ZNF616: variants seen among roughly 807,000 people sequenced by gnomAD.
ZNF616 encodes zinc finger protein 616.
In ZNF616, 5 loss-of-function variants were observed where a neutral mutation model predicts 7.6. The observed-to-expected ratio is 0.66, with a 90% CI of 0.34 to 1.38. The LOEUF (loss-of-function observed/expected upper bound fraction) is 1.38. ZNF616 is among the 40% of genes most tolerant of loss of function. ZNF616 has a pLI of 0.04. For missense variants in ZNF616, 913 were observed against 948.3 expected (o/e 0.96, Z 0.49); for synonymous variants, 319 against 317.2 (o/e 1.01, Z -0.06).
chr19:52,139,255 G>C lies in ZNF616; in HGVS notation c.-77+477C>G, dbSNP rs1252349643. Among the ~76,000 whole-genome samples, 3 of 152,120 alleles carry C rather than the reference G, an allele frequency of 2.0e-5. No homozygotes were observed. Among genetic ancestry groups the C allele is most frequent in the Non-Finnish European group, 4.4e-5 (3 of 68,036 alleles). On this transcript the variant is annotated intron_variant, in intron 1 of 3. Coordinates refer to ENST00000600228, the MANE Select transcript of ZNF616 (RefSeq NM_178523.5). This position sits in a 1 kb window ranked among gnomAD's most constrained non-coding sequence, Gnocchi z 4.1. Reference sequence around the variant, plus strand: ...ATTTTCCAGTGGAGTAAAAATTTGGGAAGGAACGACAGTGGGTGTCACAAG... The same window carrying C: ...ATTTTCCAGTGGAGTAAAAATTTGGCAAGGAACGACAGTGGGTGTCACAAG...
At position 52,114,456 on chromosome 19, in the gene ZNF616, C is replaced by T. The variant is rs2088796106; in HGVS notation, c.*362G>A. 1 of 186,500 alleles carries T rather than the reference C, an allele frequency of 5.4e-6. No individual in the cohort carries two copies. Among genetic ancestry groups the T allele is most frequent in the African/African-American group, 2.3e-5 (1 of 42,640 alleles). The allele number at this position is 186,500 out of a possible 1,614,324, so 11.6% of individuals were successfully genotyped here. A position where few individuals can be genotyped will look rare whatever the true frequency, so the allele number is the denominator to read the frequency against. ...ATATTTCTGAAGGCTTAAATGAAAA[C>T]ATGGTGCTGGCATCTGATCACCCTC... On this transcript the variant is annotated 3_prime_UTR_variant, in exon 4 of 4. Transcript: ENST00000600228.
At chr19:52,137,053 G>GTGTGTATATATATATATATATATATATA (rs958896902) in intron 1 of ZNF616, among the ~76,000 whole-genome samples, 15 of 143,708 alleles carry the variant, frequency 1.0e-4, no homozygotes, top group African/African-American at 3.6e-4. Context: ...TTATGTATGT[G>GTGTGTATATATATATATATATATATATA]TATATATATA....
At chr19:52,119,425 C>T (rs78955520) in intron 3 of ZNF616, among the ~76,000 whole-genome samples, 3,073 of 151,544 alleles carry the variant, frequency 0.02, 107 homozygotes, top group African/African-American at 0.07. Flanking sequence ...TGAATGAGTA[C>T]GGTCATCCCT....
intron 2 of ZNF616, among the ~76,000 whole-genome samples, chr19:52,129,883 A>G (rs1198449348): frequency 6.6e-6 from 1 of 151,838 alleles, no homozygotes; most frequent in Non-Finnish European, 1.5e-5. Flanking sequence ...TCCGGGTTCA[A>G]GCTATTCTCC....
chr19:52,136,969 C>T (rs1025626659), intron 1 of ZNF616, among the ~76,000 whole-genome samples: 9 of 150,914 alleles, frequency 6.0e-5, no homozygotes, highest in East Asian at 5.8e-4. Context: ...TTATTCACAA[C>T]GGCCAAGATA....
intron 1 of ZNF616, among the ~76,000 whole-genome samples, chr19:52,137,053 G>GTGTATATATATATATA (rs958896902): frequency 5.6e-5 from 8 of 143,738 alleles, no homozygotes; most frequent in African/African-American, 2.1e-4. Flanking sequence ...TTATGTATGT[G>GTGTATATATATATATA]TATATATATA....
At chr19:52,132,617 C>T (rs533021757) in intron 1 of ZNF616, among the ~76,000 whole-genome samples, 2 of 152,112 alleles carry the variant, frequency 1.3e-5, no homozygotes, top group Non-Finnish European at 2.9e-5. Context: ...GCGCCTCCCC[C>T]CTCACTCTCT....
In ZNF616 at chr19:52,117,004, T is replaced by C; in HGVS notation, c.160A>G (p.Ile54Val). 1 of 1,585,004 alleles carries C rather than the reference T, an allele frequency of 6.3e-7. No homozygotes were observed. Among genetic ancestry groups the C allele is most frequent in the Non-Finnish European group, 8.5e-7 (1 of 1,169,912 alleles). The change falls in exon 4 of 4, where the codon ATC becomes GTC. Residue 54 changes from isoleucine (I) to valine (V), a missense_variant. Transcript: ENST00000600228. ...VFLGISPKCVIKELPPTENSN... is the reference protein window; with the variant it reads ...VFLGISPKCVVKELPPTENSN... ...TTCTCTGTTGGTGGTAATTCCTTGA[T>C]CACACATTTAGGAGAGATACCTGCA...
At chr19:52,136,882 G>T (rs1006470391) in intron 1 of ZNF616, among the ~76,000 whole-genome samples, 1 of 151,796 alleles carries the variant, frequency 6.6e-6, no homozygotes, top group African/African-American at 2.4e-5. Flanking sequence ...GGACAAAACA[G>T]CGGGACCATG....
rs556163611 is a variant in ZNF616, at chr19:52,127,118, G to C, written c.13-3069C>G. Among the ~76,000 whole-genome samples, 5 of 151,902 alleles carry C rather than the reference G, an allele frequency of 3.3e-5. No homozygotes were observed. In the South Asian group the frequency reaches 1.0e-3, roughly 32 times the overall value. ...CACCCAGGCAGGAGTGCAGTGGCACGATCTCAGCTCACTGCAACCTCCACC... is the reference window on the plus strand; with the variant it reads ...CACCCAGGCAGGAGTGCAGTGGCACCATCTCAGCTCACTGCAACCTCCACC... On this transcript the variant is annotated intron_variant, in intron 2 of 3. Coordinates refer to ENST00000600228, the MANE Select transcript of ZNF616 (RefSeq NM_178523.5).
chr19:52,118,482 G>T (rs2088843235), intron 3 of ZNF616, among the ~76,000 whole-genome samples: 1 of 152,172 alleles, frequency 6.6e-6, no homozygotes, highest in African/African-American at 2.4e-5. Flanking sequence ...TGGAGGTGTG[G>T]TCTTTGGGAG....
intron 3 of ZNF616, among the ~76,000 whole-genome samples, chr19:52,121,339 T>C (rs1002021932): frequency 6.6e-6 from 1 of 151,944 alleles, no homozygotes; most frequent in Non-Finnish European, 1.5e-5. Flanking sequence ...TATCCCTTCA[T>C]AATAAAATAA....
At position 52,116,363 on chromosome 19, in the gene ZNF616, T is replaced by A. The variant is rs1290546695; in HGVS notation, c.801A>T (p.Lys267Asn). The A allele has an allele frequency of 6.2e-7, 1 of 1,614,160 alleles. No homozygotes were observed. Among genetic ancestry groups the A allele is most frequent in the South Asian group, 1.1e-5 (1 of 91,078 alleles). The part of the protein sequence containing the change: ...VRHQRSHTGQ[K>N]PYICNECGKS... ...TGCCACATTCATTACATATGTAGGG[T>A]TTCTGTCCAGTGTGACTCCTTTGGT... The change falls in exon 4 of 4, where the codon AAA becomes AAT. Residue 267 changes from lysine (K) to asparagine (N), a missense_variant. Physicochemically the swap from Lys to Asn is moderately conservative, Grantham distance 94. Coordinates refer to ENST00000600228, the MANE Select transcript of ZNF616 (RefSeq NM_178523.5).
chr19:52,126,011 G>C (rs566783195), intron 2 of ZNF616, among the ~76,000 whole-genome samples: 1 of 152,118 alleles, frequency 6.6e-6, no homozygotes, highest in Non-Finnish European at 1.5e-5. Flanking sequence ...AAAAAGCATG[G>C]GAAGTCTCCA....
Position 52,113,370 on chromosome 19 carries a change from C to T in ZNF616, c.*1448G>A, listed in dbSNP as rs2088787690. The T allele has an allele frequency of 1.3e-5, 2 of 152,348 alleles. No homozygotes were observed. The highest frequency in any genetic ancestry group is 4.1e-4 in the South Asian group (2 of 4,834). 9.4% of individuals were successfully genotyped at this position (152,348 alleles called of 1,614,324 possible). On this transcript the variant is annotated 3_prime_UTR_variant, in exon 4 of 4. Coordinates refer to ENST00000600228, the MANE Select transcript of ZNF616 (RefSeq NM_178523.5). ...GGTAAAGGCTGAAGACACACTACTG[C>T]TTCCAGGTCCTTTCATGTTCAGCAT...
chr19:52,132,171 C>G (rs2088966114), intron 1 of ZNF616, among the ~76,000 whole-genome samples: 1 of 152,178 alleles, frequency 6.6e-6, no homozygotes, highest in African/African-American at 2.4e-5. Context: ...CATATCTTCT[C>G]TATTTCAAAT....
intron 2 of ZNF616, among the ~76,000 whole-genome samples, chr19:52,128,443 C>A (rs1157063179): frequency 1.3e-5 from 2 of 151,984 alleles, no homozygotes; most frequent in African/African-American, 4.8e-5. Flanking sequence ...TTATAAATTT[C>A]TTTCTGTGTA....
At chr19:52,132,669 C>T (rs1365290828) in intron 1 of ZNF616, among the ~76,000 whole-genome samples, 4 of 152,188 alleles carry the variant, frequency 2.6e-5, no homozygotes, top group South Asian at 4.1e-4. Context: ...GTTCCTACTT[C>T]GCCTGCTACC....
chr19:52,122,199 G>A (rs1034953924), intron 3 of ZNF616: 6 of 151,922 alleles, frequency 3.9e-5, no homozygotes, highest in East Asian at 1.9e-4. Context: ...TAACAAGTAT[G>A]ACCAGGCCGG....
Sources: allele counts gnomAD v4.1 joint callset (sites outside exome capture counted in the v4.1 genomes callset), GRCh38; gene constraint gnomAD v4.1.1; non-coding constraint Gnocchi (gnomAD v3.1); transcripts MANE v1.5; gene names NCBI Gene and HGNC (gene_info 2026-07-23, HGNC 2026-07-21).